TET1: variants seen among roughly 807,000 people sequenced by gnomAD.
The protein encoded by TET1 is methylcytosine dioxygenase TET1.
A neutral mutation model predicts 148.7 loss-of-function variants in TET1; 13 were observed. The observed-to-expected ratio is 0.09, with a 90% confidence interval of 0.06 to 0.14. The LOEUF (loss-of-function observed/expected upper bound fraction) is 0.14, where lower values mean the gene tolerates loss of function less well. Ranked by LOEUF, TET1 falls within the 10% of genes least tolerant of loss-of-function variation. The pLI, the probability that TET1 is intolerant of heterozygous loss-of-function variation, is 1.00. For synonymous variants in TET1, 907 were observed against 937.2 expected (o/e 0.97, Z 0.59); for missense variants, 2,182 against 2,553.8 (o/e 0.85, Z 3.14).
Position 68,691,851 on chromosome 10 carries a change from A to G in TET1, c.*37A>G. Reference sequence around the variant, plus strand: ...CCCCTCTTAATGCCTTTGCTAGTGCAGTGTATTTTTTCAAGGTGCTGTTAA... The same window carrying G: ...CCCCTCTTAATGCCTTTGCTAGTGCGGTGTATTTTTTCAAGGTGCTGTTAA... On this transcript the variant is annotated 3_prime_UTR_variant, in exon 12 of 12. Coordinates refer to ENST00000373644, the MANE Select transcript of TET1 (RefSeq NM_030625.3). The surrounding 1 kb of genome is among the most constrained non-coding windows in gnomAD (Gnocchi z 4.4). 6.5e-7 allele frequency: 1 copy of G among 1,549,516 alleles called. No homozygotes were observed. The highest frequency in any genetic ancestry group is 8.7e-7 in the Non-Finnish European group (1 of 1,150,904).
chr10:68,593,122 C>T (rs993007395), intron 2 of TET1, among the ~76,000 whole-genome samples: 1 of 150,576 alleles, frequency 6.6e-6, no homozygotes, highest in African/African-American at 2.4e-5. Flanking sequence ...GTCCTAGCTA[C>T]TTGGGAGGCT....
At chr10:68,662,276 T>G (rs1216920270) in intron 6 of TET1, among the ~76,000 whole-genome samples, 26 of 152,224 alleles carry the variant, frequency 1.7e-4, no homozygotes, top group Non-Finnish European at 1.3e-4. Flanking sequence ...CCCAAATTAC[T>G]GAGATTACAG....
chr10:68,645,021 C>G lies in TET1; in HGVS notation c.2292C>G (p.His764Gln), dbSNP rs200213853. The change falls in exon 4 of 12, where the codon CAC becomes CAG. Residue 764 changes from histidine (H) to glutamine (Q), a missense_variant. Transcript: ENST00000373644. Reference protein sequence around the residue: ...QTVRNGIKHVHCLPAETNVSF... With the variant: ...QTVRNGIKHVQCLPAETNVSF... ...TAAGAAATGGCATTAAACATGTACA[C>G]TGTTTACCAGCTGAAACAAATGTTT... The G allele has an allele frequency of 3.1e-6, 5 of 1,613,370 alleles. No homozygotes were observed. In the African/African-American group the frequency reaches 6.7e-5, roughly 22 times the overall value.
chr10:68,597,420 T>C (rs1313483856), intron 2 of TET1, among the ~76,000 whole-genome samples: 1 of 152,164 alleles, frequency 6.6e-6, no homozygotes, highest in East Asian at 1.9e-4. Flanking sequence ...AAAATGTTCA[T>C]TTTTTAAAGT....
At chr10:68,625,379 CTT>C (rs2054462853) in intron 3 of TET1, among the ~76,000 whole-genome samples, 1 of 152,172 alleles carries the variant, frequency 6.6e-6, no homozygotes, top group Admixed American at 6.5e-5. Context: ...CCTGCCAAGG[CTT>C]CATCACACAG....
At chr10:68,669,741 C>A (rs2055247759) in intron 7 of TET1, among the ~76,000 whole-genome samples, 1 of 151,722 alleles carries the variant, frequency 6.6e-6, no homozygotes, top group East Asian at 1.9e-4. Context: ...CCTCCGCCTC[C>A]TGGGTTCAAG....
At chr10:68,563,599 C>A (rs1014550805) in intron 1 of TET1, among the ~76,000 whole-genome samples, 1 of 152,144 alleles carries the variant, frequency 6.6e-6, no homozygotes, top group African/African-American at 2.4e-5. Flanking sequence ...AGCATTTTTG[C>A]CCAGAGGATT....
chr10:68,651,315 G>T (rs553489856), intron 4 of TET1, among the ~76,000 whole-genome samples: 2 of 152,058 alleles, frequency 1.3e-5, no homozygotes, highest in Non-Finnish European at 2.9e-5. Context: ...TTAGCCGGGC[G>T]TGGTGGCGGG....
At chr10:68,624,199 C>A (rs1431831659) in intron 3 of TET1, among the ~76,000 whole-genome samples, 1 of 151,840 alleles carries the variant, frequency 6.6e-6, no homozygotes, top group Non-Finnish European at 1.5e-5. Context: ...CGGGTTCAAG[C>A]AATTCTCCTG....
intron 8 of TET1, chr10:68,673,597 C>G: frequency 6.4e-6 from 1 of 156,050 alleles, no homozygotes. Context: ...TTTATCAGCT[C>G]GTGGGTGGGT....
chr10:68,645,752 C>G lies in TET1; in HGVS notation c.3023C>G (p.Pro1008Arg). The G allele has an allele frequency of 6.2e-7, 1 of 1,613,920 alleles. No homozygotes were observed. Among genetic ancestry groups the G allele is most frequent in the Non-Finnish European group, 8.5e-7 (1 of 1,179,972 alleles). The change falls in exon 4 of 12, where the codon CCA (proline) becomes CGA (arginine). Residue 1008 changes from proline (P) to arginine (R), a missense_variant. Pro to Arg is a moderately radical substitution (Grantham distance 103). Coordinates refer to ENST00000373644, the MANE Select transcript of TET1 (RefSeq NM_030625.3). The part of the protein sequence containing the change: ...KVTNSLSLFI[P>R]KSNSSKIDTN... ...ACAAATTCATTATCTCTTTTTATAC[C>G]AAAATCAAATTCATCCAAGATTGAC...
At position 68,652,545 on chromosome 10, in the gene TET1, A is replaced by T. The variant is rs2054952642; in HGVS notation, c.4412A>T (p.Tyr1471Phe). Residue 1471 changes from tyrosine (Y) to phenylalanine (F), a missense_variant, in exon 6 of 12, where the codon TAC (tyrosine) becomes TTC (phenylalanine). Tyr to Phe is a conservative substitution (Grantham distance 22). Coordinates refer to ENST00000373644, the MANE Select transcript of TET1 (RefSeq NM_030625.3). ...GNAIRIEIVV[Y>F]TGKEGKSSHG... The stretch of plus-strand genomic sequence containing the variant: ...GCAATAAGGATAGAAATAGTAGTGT[A>T]CACCGGTAAAGAAGGGAAAAGCTCT... 1.2e-6 allele frequency: 2 copies of T among 1,613,100 alleles called. No homozygotes were observed. The highest frequency in any genetic ancestry group is 1.7e-5 in the Admixed American group (1 of 59,928).
At chr10:68,669,927 A>G (rs1199175868) in intron 7 of TET1, among the ~76,000 whole-genome samples, 2 of 152,178 alleles carry the variant, frequency 1.3e-5, no homozygotes, top group Non-Finnish European at 2.9e-5. Context: ...TACAGACGTG[A>G]GCCACCGTGC....
chr10:68,639,457 C>CTATTAT (rs1420408017), intron 3 of TET1, among the ~76,000 whole-genome samples: 426 of 143,142 alleles, frequency 3.0e-3, no homozygotes, highest in African/African-American at 0.011. Context: ...ACTACTACTA[C>CTATTAT]TACTACTACT....
At chr10:68,561,521 C>G (rs2053552694) in intron 1 of TET1, among the ~76,000 whole-genome samples, 1 of 152,192 alleles carries the variant, frequency 6.6e-6, no homozygotes, top group African/African-American at 2.4e-5. Context: ...CCATCAGTCC[C>G]CGTCTGGCGG....
At chr10:68,668,742 G>A (rs1325256036) in intron 7 of TET1, among the ~76,000 whole-genome samples, 2 of 152,150 alleles carry the variant, frequency 1.3e-5, no homozygotes, top group Non-Finnish European at 2.9e-5. Context: ...TTGGGAGGCC[G>A]ACAAGGGAGG....
At position 68,694,060 on chromosome 10, in the gene TET1, A is replaced by T. The variant is rs1360780227; in HGVS notation, c.*2246A>T. 1 of 231,728 alleles carries T rather than the reference A, an allele frequency of 4.3e-6. No individual in the cohort carries two copies. Among genetic ancestry groups the T allele is most frequent in the African/African-American group, 2.2e-5 (1 of 45,304 alleles). 14.4% of individuals were successfully genotyped at this position (231,728 alleles called of 1,614,324 possible). ...AATTATCTTCAGTATAATCCATGGT[A>T]ATGTATGCAGTAATTCAAATTGATC... On this transcript the variant is annotated 3_prime_UTR_variant, in exon 12 of 12. Transcript: ENST00000373644.
At position 68,642,658 on chromosome 10, in the gene TET1, G is replaced by A. The variant is rs553122761; in HGVS notation, c.1969-2040G>A. Among the ~76,000 whole-genome samples the A allele has an allele frequency of 7.2e-5, 11 of 152,076 alleles. No individual in the cohort carries two copies. The East Asian group carries it at 1.6e-3, about 21-fold the overall frequency. Reference sequence around the variant, plus strand: ...TCACTCCTATTGCCTAAGGTGGAGTGTAGCAGCACAATCTTGGCTCACTGC... The same window carrying A: ...TCACTCCTATTGCCTAAGGTGGAGTATAGCAGCACAATCTTGGCTCACTGC... On this transcript the variant is annotated intron_variant, in intron 3 of 11. Coordinates refer to ENST00000373644, the MANE Select transcript of TET1 (RefSeq NM_030625.3).
intron 6 of TET1, among the ~76,000 whole-genome samples, chr10:68,662,727 C>A (rs981200175): frequency 6.6e-6 from 1 of 152,140 alleles, no homozygotes; most frequent in Non-Finnish European, 1.5e-5. Flanking sequence ...CATAGCCAGA[C>A]CTCATCTCTA....
Sources: allele counts gnomAD v4.1 joint callset (sites outside exome capture counted in the v4.1 genomes callset), GRCh38; gene constraint gnomAD v4.1.1; non-coding constraint Gnocchi (gnomAD v3.1); transcripts MANE v1.5; gene names NCBI Gene and HGNC (gene_info 2026-07-23, HGNC 2026-07-21).